CDK11A: variants seen among roughly 807,000 people sequenced by gnomAD.
CDK11A encodes the protein cyclin-dependent kinase 11A.
In CDK11A, 55 loss-of-function variants were observed where a neutral mutation model predicts 83.6. That is an observed-to-expected ratio of 0.66 (90% confidence interval 0.53 to 0.82). The LOEUF is 0.82. CDK11A is among the 40% of genes least tolerant of loss of function. The probability of loss-of-function intolerance (pLI) is 0.00; values close to 1 mark genes in which losing one functional copy is unlikely to be tolerated. For missense variants in CDK11A, 564 were observed against 810.1 expected (o/e 0.70, Z 3.69); for synonymous variants, 247 against 302.7 (o/e 0.82, Z 1.91).
chr1:1,721,736 C>G (rs903387267), intron 2 of CDK11A, 25 bp from the exon 3 acceptor site: 1 of 1,528,688 alleles, frequency 6.5e-7, no homozygotes. Context: ...GAAAGTTAAT[C>G]ATTTTCTTTA....
intron 13 of CDK11A, 63 bp from the exon 14 acceptor site, chr1:1,704,718 G>A: frequency 6.3e-7 from 1 of 1,599,870 alleles, no homozygotes; most frequent in South Asian, 1.1e-5. Flanking sequence ...CTGCACCCGG[G>A]CGCAGATGCT....
chr1:1,707,157 C>T (rs2101180812), intron 11 of CDK11A, among the ~76,000 whole-genome samples: 1 of 144,604 alleles, frequency 6.9e-6, no homozygotes, highest in African/African-American at 2.7e-5. Context: ...GGCCGCACGC[C>T]CAGGCTGCCT....
intron 4 of CDK11A, among the ~76,000 whole-genome samples, chr1:1,716,903 G>GTTAATT (rs1361457021): frequency 7.4e-6 from 1 of 135,494 alleles, no homozygotes. Context: ...AAATAATGAT[G>GTTAATT]TTAAGTAATC....
intron 3 of CDK11A, among the ~76,000 whole-genome samples, chr1:1,720,290 A>C (rs1056151953): frequency 2.0e-5 from 3 of 147,118 alleles, no homozygotes; most frequent in African/African-American, 7.6e-5. Flanking sequence ...GTAGAGACGG[A>C]GTTTCACTGT....
rs1440075622 is a variant in CDK11A at position 1,703,825 on chromosome 1, T to C, written c.1910A>G (p.Lys637Arg). 47 of 1,609,570 alleles carry C rather than the reference T, an allele frequency of 2.9e-5. 1 individual carries two copies. Among genetic ancestry groups the C allele is most frequent in the Non-Finnish European group, 3.7e-5 (43 of 1,176,950 alleles). Reference sequence around the variant, plus strand: ...CACCTGCGGCAGGGCCAGACCCACCTTGAACACTTTGTTGATCTGATCGAT... The same window carrying C: ...CACCTGCGGCAGGGCCAGACCCACCCTGAACACTTTGTTGATCTGATCGAT... The part of the protein sequence containing the change: ...SEIDQINKVF[K>R]ELGTPSEKIW... Residue 637 changes from lysine (K) to arginine (R), a missense_variant and splice_region_variant, in exon 17 of 20, where the codon AAG becomes AGG. Around this residue, in one of 5 missense-constraint regions of CDK11A, gnomAD observed 361 missense variants for 402.7 expected, o/e 0.90. Transcript: ENST00000404249.
rs200982240 is a variant in CDK11A at position 1,707,486 on chromosome 1, C to T, written c.1168G>A (p.Asp390Asn). 0.087 allele frequency: 139,327 copies of T among 1,598,740 alleles called. 15,113 individuals are homozygous for T. Among genetic ancestry groups the T allele is most frequent in the African/African-American group, 0.41 (29,578 of 72,854 alleles). Residue 390 changes from aspartate to asparagine, a missense_variant, in exon 11 of 20, where the codon GAC becomes AAC. Transcript: ENST00000404249. ...AGGGCAGGGGAGTCGGGCACATAGT[C>T]GCCCTCTGTCAGGGCGCTGCTCTGC... ...TPQSSALTEG[D>N]YVPDSPALLP...
At chr1:1,717,123 A>G (rs2101284323) in intron 4 of CDK11A, among the ~76,000 whole-genome samples, 1 of 151,046 alleles carries the variant, frequency 6.6e-6, no homozygotes, top group Admixed American at 6.6e-5. Flanking sequence ...TAAGCGTCTA[A>G]TTATGAAGAA....
chr1:1,721,532 AG>A lies in CDK11A; in HGVS notation c.227+63del, dbSNP rs1339087168. 6 of 1,545,926 alleles carry A rather than the reference AG, an allele frequency of 3.9e-6. No homozygotes were observed. In the Admixed American group the frequency reaches 1.1e-4, roughly 27 times the overall value. ...AGCACACAGTTGTCACAGTGACCCTAGGAAGGACTGGCCAGGCCAGGGCTGT... is the reference window on the plus strand; with the variant it reads ...AGCACACAGTTGTCACAGTGACCCTAGAAGGACTGGCCAGGCCAGGGCTGT... On this transcript the variant is annotated intron_variant, in intron 3 of 19. Transcript: ENST00000404249.
At chr1:1,723,485 T>A (rs1225464324) in intron 1 of CDK11A, among the ~76,000 whole-genome samples, 1 of 12,560 alleles carries the variant, frequency 8.0e-5, no homozygotes, top group Non-Finnish European at 2.2e-4. Flanking sequence ...CAAGACCCCG[T>A]CTCAAAAAAA....
At chr1:1,715,560 G>A (rs1198943784) in intron 5 of CDK11A, among the ~76,000 whole-genome samples, 1 of 147,850 alleles carries the variant, frequency 6.8e-6, no homozygotes, top group Non-Finnish European at 1.5e-5. Flanking sequence ...CTCGGACCTT[G>A]ACCCCTGGGC....
In CDK11A at chr1:1,704,111, G is replaced by C; in HGVS notation, c.1722C>G (p.Ser574=). 1.2e-6 allele frequency: 2 copies of C among 1,602,488 alleles called. No individual in the cohort carries two copies. The highest frequency in any genetic ancestry group is 8.5e-7 in the Non-Finnish European group (1 of 1,173,084). The part of the protein sequence containing the change: ...GDFGLAREYG[S]PLKAYTPVVV... ...CGACCGGGGTGTAGGCCTTCAGAGG[G>C]GATCCGTACTCCCGCGCCAGCCCAA... is the stretch of plus-strand genomic sequence containing the variant. The change falls in exon 16 of 20, where the codon TCC becomes TCG. Residue 574 remains serine (S), a synonymous_variant. Transcript: ENST00000404249.
chr1:1,707,539 GCTT>G lies in CDK11A; in HGVS notation c.1112_1114del (p.Glu371del). On this transcript the variant is annotated inframe_deletion, in exon 11 of 20. Transcript: ENST00000404249. ...CGTTCCCTCACCCACTTCTTCCTCT[GCTT>G]CTTCACTCTCCCCGGAATCTCGGTC... The G allele has an allele frequency of 6.3e-7, 1 of 1,597,864 alleles. No homozygotes were observed. The highest frequency in any genetic ancestry group is 8.5e-7 in the Non-Finnish European group (1 of 1,171,950).
In CDK11A at chr1:1,703,830, C is replaced by T. The variant is rs1349710861; in HGVS notation, c.1905G>A (p.Val635=). 5 of 1,609,606 alleles carry T rather than the reference C, an allele frequency of 3.1e-6. No individual in the cohort carries two copies. In the African/African-American group the frequency reaches 6.7e-5, roughly 22 times the overall value. ...GNSEIDQINK[V]FKELGTPSEK... ...GCGGCAGGGCCAGACCCACCTTGAA[C>T]ACTTTGTTGATCTGATCGATTTCCG... Residue 635 remains valine, a synonymous_variant, in exon 17 of 20, where the codon GTG becomes GTA. Transcript: ENST00000404249.
chr1:1,713,927 A>G (rs7528782), intron 5 of CDK11A, among the ~76,000 whole-genome samples: 2,999 of 39,770 alleles, frequency 0.075, 898 homozygotes, highest in African/African-American at 0.11. Flanking sequence ...TGTGTAGAAC[A>G]GTTTTGATTC....
In CDK11A at chr1:1,704,919, G is replaced by A. The variant is rs1644254111; in HGVS notation, c.1443C>T (p.Asn481=). 3 of 1,594,548 alleles carry A rather than the reference G, an allele frequency of 1.9e-6. 1 individual carries two copies. Among genetic ancestry groups the A allele is most frequent in the Non-Finnish European group, 2.6e-6 (3 of 1,172,362 alleles). Residue 481 remains asparagine (N), a synonymous_variant, in exon 13 of 20, where the codon AAC becomes AAT. Coordinates refer to ENST00000404249, the MANE Select transcript of CDK11A (RefSeq NM_024011.4). The part of the protein sequence containing the change: ...INTILKAQHP[N]IVTVREIVVG... ...CCATGCTCACTCTAACGGTGACAAT[G>A]TTGGGATGCTGGGCCTTGAGGATGG...
intron 5 of CDK11A, among the ~76,000 whole-genome samples, chr1:1,715,126 T>G (rs184750607): frequency 8.2e-6 from 1 of 122,548 alleles, no homozygotes; most frequent in Admixed American, 9.2e-5. Context: ...GTCAGATTCT[T>G]ACTGCTTTTA....
chr1:1,704,060 T>G lies in CDK11A; in HGVS notation c.1773A>C (p.Pro591=). ...TCACCTTGGCACCAAGCAGCAGCTC[T>G]GGGGCGCGGTACCACTGGGTCACCA... is the stretch of plus-strand genomic sequence containing the variant. ...PVVVTQWYRA[P]ELLLGAKEYS... Residue 591 remains proline, a synonymous_variant, in exon 16 of 20, where the codon CCA becomes CCC. Coordinates refer to ENST00000404249, the MANE Select transcript of CDK11A (RefSeq NM_024011.4). 6.3e-7 allele frequency: 1 copy of G among 1,595,698 alleles called. No homozygotes were observed. The highest frequency in any genetic ancestry group is 8.6e-7 in the Non-Finnish European group (1 of 1,168,780).
intron 16 of CDK11A, 27 bp from the exon 17 acceptor site, chr1:1,703,967 A>G (rs1257670329): frequency 6.2e-7 from 1 of 1,608,868 alleles, no homozygotes; most frequent in East Asian, 2.2e-5. Flanking sequence ...GGTGTTCAGG[A>G]AGGCCAGTGC....
intron 4 of CDK11A, among the ~76,000 whole-genome samples, chr1:1,716,814 C>CAAAAAAAAAAAAAAAAAAAAAA (rs1168780288): frequency 2.6e-5 from 2 of 76,722 alleles, no homozygotes; most frequent in African/African-American, 5.9e-5. Context: ...GACTCCATCT[C>CAAAAAAAAAAAAAAAAAAAAAA]AAAAAAAAAA....
Sources: gnomAD v4.1 joint callset for allele counts (sites outside exome capture counted in the v4.1 genomes callset) on GRCh38, gnomAD v4.1.1 for gene constraint, gnomAD v4.1.1 regional missense constraint, MANE v1.5 for transcripts, NCBI Gene and HGNC (gene_info 2026-07-23, HGNC 2026-07-21) for gene names.